MPRIP: variants seen among roughly 807,000 people sequenced by gnomAD.
The protein encoded by MPRIP is myosin phosphatase Rho interacting protein.
A neutral mutation model predicts 234.9 loss-of-function variants in MPRIP; 59 were observed. That is an observed-to-expected ratio of 0.25 (90% CI 0.20 to 0.31). The LOEUF is 0.31. MPRIP is among the 10% of genes least tolerant of loss of function. The pLI, the probability that MPRIP is intolerant of heterozygous loss-of-function variation, is 1.00. For synonymous variants in MPRIP, 1,144 were observed against 1,263.9 expected (o/e 0.91, Z 2.01); for missense variants, 2,436 against 3,071.0 (o/e 0.79, Z 4.89).
chr17:17,151,253 C>A (rs894365487), intron 12 of MPRIP, among the ~76,000 whole-genome samples: 1 of 152,214 alleles, frequency 6.6e-6, no homozygotes, highest in South Asian at 2.1e-4. Flanking sequence ...GAATGACTCA[C>A]AGGATTCAGG....
chr17:17,145,028 G>A (rs2045426909), intron 9 of MPRIP, among the ~76,000 whole-genome samples: 3 of 152,230 alleles, frequency 2.0e-5, no homozygotes, highest in African/African-American at 4.8e-5. Context: ...TTTTGATTGG[G>A]TGCTTCAAAT....
intron 13 of MPRIP, among the ~76,000 whole-genome samples, chr17:17,156,656 G>A (rs1291224876): frequency 1.3e-5 from 2 of 152,192 alleles, no homozygotes; most frequent in Non-Finnish European, 1.5e-5. Context: ...GAGTGCGGCC[G>A]GTTCTGGTGT....
chr17:17,099,919 G>A (rs780903708), intron 3 of MPRIP, among the ~76,000 whole-genome samples: 25 of 152,088 alleles, frequency 1.6e-4, no homozygotes, highest in Admixed American at 3.3e-4. Flanking sequence ...GTGAAAATAG[G>A]TAAGCACAAA....
At chr17:17,050,652 G>A (rs180676630) in intron 1 of MPRIP, among the ~76,000 whole-genome samples, 319 of 152,348 alleles carry the variant, frequency 2.1e-3, no homozygotes, top group Non-Finnish European at 3.1e-3. Flanking sequence ...GGCCCTTGGT[G>A]TCTATTGCCA....
chr17:17,118,848 C>G (rs900733422), intron 3 of MPRIP, among the ~76,000 whole-genome samples: 1 of 152,148 alleles, frequency 6.6e-6, no homozygotes, highest in Non-Finnish European at 1.5e-5. Context: ...AGTGCTGCTC[C>G]CTGGGGAGGT....
At chr17:17,106,575 TC>T (rs769629756) in intron 3 of MPRIP, among the ~76,000 whole-genome samples, 3 of 152,196 alleles carry the variant, frequency 2.0e-5, no homozygotes, top group Non-Finnish European at 2.9e-5. Flanking sequence ...AACCGGATCT[TC>T]CTGAGTCCCT....
intron 5 of MPRIP, among the ~76,000 whole-genome samples, chr17:17,135,101 C>T (rs2090668667): frequency 6.6e-6 from 1 of 152,230 alleles, no homozygotes; most frequent in African/African-American, 2.4e-5. Context: ...CCAAAGCCAT[C>T]CTGTTGGCAG....
chr17:17,177,425 G>A lies in MPRIP; in HGVS notation c.7120+13G>A. The A allele has an allele frequency of 6.2e-7, 1 of 1,609,686 alleles. No homozygotes were observed. Among genetic ancestry groups the A allele is most frequent in the African/African-American group, 1.3e-5 (1 of 74,986 alleles). On this transcript the variant is annotated intron_variant, in intron 22 of 23. Coordinates refer to ENST00000651222, the MANE Select transcript of MPRIP (RefSeq NM_001364716.4). ...GTGTCCGGATATGGTGCGTCCTCGG[G>A]TCATGCCCTCTCGGTTATTGCTGGG... is the stretch of plus-strand genomic sequence containing the variant.
intron 11 of MPRIP, among the ~76,000 whole-genome samples, chr17:17,148,660 T>C (rs11651460): frequency 0.069 from 10,534 of 152,266 alleles, 511 homozygotes; most frequent in East Asian, 0.18. Context: ...GTGTGCAGGC[T>C]TTCTCATGGA....
At position 17,189,587 on chromosome 17, in the gene MPRIP, ATAT is replaced by A. The variant is rs1389335336; in HGVS notation, c.*4697_*4699del. 2 of 152,200 alleles carry A rather than the reference ATAT, an allele frequency of 1.3e-5. No individual in the cohort carries two copies. Among genetic ancestry groups the A allele is most frequent in the Non-Finnish European group, 2.9e-5 (2 of 68,040 alleles). The allele number at this position is 152,200 out of a possible 1,614,324, so 9.4% of individuals were successfully genotyped here. A position where few individuals can be genotyped will look rare whatever the true frequency, so the allele number is the denominator to read the frequency against. ...GTTCTATAAAGAATGGAAATGTATG[ATAT>A]TATACTTCAAAGGAATTTGATGTTG... On this transcript the variant is annotated 3_prime_UTR_variant, in exon 24 of 24. Transcript: ENST00000651222.
intron 23 of MPRIP, chr17:17,181,477 A>C (rs771914236): frequency 2.6e-5 from 4 of 152,256 alleles, no homozygotes; most frequent in Non-Finnish European, 5.9e-5. Flanking sequence ...AAGCCTAGTC[A>C]GTTTGGTTTT....
chr17:17,131,824 C>G, intron 5 of MPRIP, 123 bp downstream of exon 5: 1 of 807,574 alleles, frequency 1.2e-6, no homozygotes, highest in Non-Finnish European at 2.1e-6. Flanking sequence ...GTCACCAACT[C>G]TGCACATCCT....
chr17:17,057,087 T>C (rs991608856), intron 1 of MPRIP, among the ~76,000 whole-genome samples: 1 of 152,232 alleles, frequency 6.6e-6, no homozygotes, highest in African/African-American at 2.4e-5. Flanking sequence ...GGAGAGGACT[T>C]GCTGGCCTGT....
intron 1 of MPRIP, among the ~76,000 whole-genome samples, chr17:17,048,341 G>C (rs1173059368): frequency 6.6e-6 from 1 of 152,184 alleles, no homozygotes; most frequent in African/African-American, 2.4e-5. Flanking sequence ...GAGGGTGTGG[G>C]CCAGGACGAG....
chr17:17,156,868 TC>T (rs2045742429), intron 13 of MPRIP, among the ~76,000 whole-genome samples: 1 of 152,222 alleles, frequency 6.6e-6, no homozygotes, highest in East Asian at 1.9e-4. Context: ...GCACTTTGCC[TC>T]TCACTCGATT....
chr17:17,109,194 C>T (rs1035932978), intron 3 of MPRIP, among the ~76,000 whole-genome samples: 4 of 152,184 alleles, frequency 2.6e-5, no homozygotes, highest in Non-Finnish European at 5.9e-5. Flanking sequence ...CACTGCTGAG[C>T]TCGTGGGTAT....
rs1457263443 is a variant in MPRIP at position 17,117,467 on chromosome 17, C to A, written c.268-9235C>A. 2.6e-5 allele frequency among the ~76,000 whole-genome samples: 4 copies of A among 152,214 alleles called. No individual in the cohort carries two copies. In the East Asian group the frequency reaches 7.7e-4, roughly 29 times the overall value. On this transcript the variant is annotated intron_variant, in intron 3 of 23. Transcript: ENST00000651222. ...CAAGATGGAGTCACACAGTGTGTGT[C>A]CTTTTGTGACTGGCTTCATTCACTT...
intron 1 of MPRIP, among the ~76,000 whole-genome samples, chr17:17,072,383 C>T (rs984891320): frequency 6.6e-5 from 10 of 152,216 alleles, no homozygotes; most frequent in African/African-American, 2.4e-4. Context: ...ACACCTGCCT[C>T]AGGATCAAGG....
At chr17:17,129,392 GT>G (rs2090554390) in intron 4 of MPRIP, among the ~76,000 whole-genome samples, 1 of 152,170 alleles carries the variant, frequency 6.6e-6, no homozygotes, top group African/African-American at 2.4e-5. Flanking sequence ...CTTGGGGTTT[GT>G]TTTGTTAACA....
Sources: gnomAD v4.1 joint callset for allele counts (sites outside exome capture counted in the v4.1 genomes callset) on GRCh38, gnomAD v4.1.1 for gene constraint, MANE v1.5 for transcripts, NCBI Gene and HGNC (gene_info 2026-07-23, HGNC 2026-07-21) for gene names.